Variants in EMP2 observed in about 807,000 individuals in gnomAD.
EMP2 encodes the protein epithelial membrane protein 2.
Under a neutral mutation model 13.7 loss-of-function variants are expected in EMP2, and 19 were observed. That is an observed-to-expected ratio of 1.38 (90% confidence interval 0.97 to 2.03). The LOEUF is 2.03. Ranked by LOEUF, EMP2 falls within the 30% of genes most tolerant of loss-of-function variation. The pLI, the probability that EMP2 is intolerant of heterozygous loss-of-function variation, is 0.00. For synonymous variants in EMP2, 97 were observed against 84.7 expected (o/e 1.15, Z -0.80); for missense variants, 253 against 220.7 (o/e 1.15, Z -0.93).
At chr16:10,534,332 C>T (rs1238974047) in intron 4 of EMP2, among the ~76,000 whole-genome samples, 1 of 152,172 alleles carries the variant, frequency 6.6e-6, no homozygotes, top group African/African-American at 2.4e-5. Context: ...GTGCTTGACG[C>T]AGACGCTGCT....
chr16:10,543,601 C>A lies in EMP2; in HGVS notation c.138G>T (p.Thr46=), dbSNP rs150309316. The A allele has an allele frequency of 6.2e-7, 1 of 1,614,214 alleles. No homozygotes were observed. The highest frequency in any genetic ancestry group is 1.1e-5 in the South Asian group (1 of 91,086). Residue 46 remains threonine, a synonymous_variant, in exon 3 of 5, where the codon ACG becomes ACT. Transcript: ENST00000359543. ...ADVWRICTNN[T]NCTVINDSFQ... The stretch of plus-strand genomic sequence containing the variant: ...AGCTGTCATTGATGACTGTGCAATT[C>A]GTGTTGTTGGTACATATTCTCCAGA...
At chr16:10,575,129 CT>C (rs1392584206) in intron 1 of EMP2, among the ~76,000 whole-genome samples, 1 of 151,710 alleles carries the variant, frequency 6.6e-6, no homozygotes, top group Non-Finnish European at 1.5e-5. Context: ...TTGAAATATC[CT>C]CCCAAGCCCA....
intron 4 of EMP2, among the ~76,000 whole-genome samples, chr16:10,536,782 G>A (rs2050650155): frequency 6.6e-6 from 1 of 152,126 alleles, no homozygotes; most frequent in Non-Finnish European, 1.5e-5. Flanking sequence ...TGCCATGCTT[G>A]GCTAATTTTT....
rs960552631 is a variant in EMP2, at chr16:10,531,334, C to CT, written c.*1570dup. 13 of 151,954 alleles carry CT rather than the reference C, an allele frequency of 8.6e-5. No homozygotes were observed. The highest frequency in any genetic ancestry group is 1.6e-4 in the Non-Finnish European group (11 of 68,670). 9.4% of individuals were successfully genotyped at this position (151,954 alleles called of 1,614,324 possible). ...TCACAGTGTGTAATTAGTTTCTTTT[C>CT]TTTTTTTTCTTTTTTTGAGATGGAG... is the stretch of plus-strand genomic sequence containing the variant. On this transcript the variant is annotated 3_prime_UTR_variant, in exon 5 of 5. Transcript: ENST00000359543.
At chr16:10,554,756 C>T (rs2142192106) in intron 1 of EMP2, among the ~76,000 whole-genome samples, 1 of 152,288 alleles carries the variant, frequency 6.6e-6, no homozygotes, top group East Asian at 1.9e-4. Context: ...GGGAACTAGT[C>T]TTGTCTCGGT....
intron 1 of EMP2, among the ~76,000 whole-genome samples, chr16:10,576,990 G>A (rs760995424): frequency 9.2e-5 from 14 of 152,180 alleles, no homozygotes; most frequent in Non-Finnish European, 1.6e-4. Flanking sequence ...CCATCAGCAC[G>A]GGAGCACGGA....
At chr16:10,541,054 C>G (rs571322005) in intron 3 of EMP2, among the ~76,000 whole-genome samples, 1 of 151,656 alleles carries the variant, frequency 6.6e-6, no homozygotes, top group Non-Finnish European at 1.5e-5. Context: ...CACCACTGCA[C>G]TCCAGCCAGA....
At chr16:10,561,869 C>G (rs2050873579) in intron 1 of EMP2, among the ~76,000 whole-genome samples, 1 of 152,036 alleles carries the variant, frequency 6.6e-6, no homozygotes, top group South Asian at 2.1e-4. Context: ...AAAAATGAAG[C>G]TAGACTTTTA....
At chr16:10,562,378 C>CTCTCTCTCTCTCTCTCTA (rs1312547668) in intron 1 of EMP2, among the ~76,000 whole-genome samples, 2 of 135,384 alleles carry the variant, frequency 1.5e-5, no homozygotes, top group African/African-American at 5.7e-5. Context: ...CTCTCTCTCT[C>CTCTCTCTCTCTCTCTCTA]TCTATCTATC....
intron 4 of EMP2, among the ~76,000 whole-genome samples, chr16:10,537,440 C>T (rs1388219685): frequency 6.6e-6 from 1 of 152,144 alleles, no homozygotes; most frequent in Non-Finnish European, 1.5e-5. Flanking sequence ...CAGCTTAGAA[C>T]AAAGACCCCA....
At chr16:10,572,491 A>T (rs2094570928) in intron 1 of EMP2, among the ~76,000 whole-genome samples, 1 of 151,810 alleles carries the variant, frequency 6.6e-6, no homozygotes, top group Non-Finnish European at 1.5e-5. Context: ...CCCACAGATG[A>T]TCTTCCATCC....
chr16:10,562,228 C>T (rs370547470), intron 1 of EMP2, among the ~76,000 whole-genome samples: 1 of 152,138 alleles, frequency 6.6e-6, no homozygotes. Flanking sequence ...ATCTATTTCT[C>T]CACCTGCTGA....
intron 1 of EMP2, among the ~76,000 whole-genome samples, chr16:10,553,358 A>G (rs1023217060): frequency 6.6e-6 from 1 of 152,190 alleles, no homozygotes; most frequent in African/African-American, 2.4e-5. Flanking sequence ...GCCGTACCAG[A>G]GTAACACTCT....
intron 1 of EMP2, among the ~76,000 whole-genome samples, chr16:10,557,154 C>T (rs2050835283): frequency 6.6e-6 from 1 of 151,940 alleles, no homozygotes; most frequent in Admixed American, 6.6e-5. Context: ...GCCAGGAGTT[C>T]GAGACTAGCC....
At chr16:10,564,165 T>A (rs2050891501) in intron 1 of EMP2, among the ~76,000 whole-genome samples, 1 of 152,130 alleles carries the variant, frequency 6.6e-6, no homozygotes, top group South Asian at 2.1e-4. Flanking sequence ...CATGGAAAGG[T>A]GCAGTCACTT....
At chr16:10,553,650 A>G (rs2050805760) in intron 1 of EMP2, among the ~76,000 whole-genome samples, 1 of 152,182 alleles carries the variant, frequency 6.6e-6, no homozygotes, top group African/African-American at 2.4e-5. Context: ...CTTTTCTAAT[A>G]ATATCCCTCA....
At chr16:10,542,106 G>A (rs752207033) in intron 3 of EMP2, among the ~76,000 whole-genome samples, 10 of 152,214 alleles carry the variant, frequency 6.6e-5, no homozygotes, top group East Asian at 1.9e-4. Flanking sequence ...ATGAATATCC[G>A]ATGGACAACA....
chr16:10,560,852 C>T (rs2050866437), intron 1 of EMP2, among the ~76,000 whole-genome samples: 1 of 152,104 alleles, frequency 6.6e-6, no homozygotes, highest in Admixed American at 6.5e-5. Flanking sequence ...CGGGCTGGGC[C>T]CCAAGATGGA....
intron 1 of EMP2, among the ~76,000 whole-genome samples, chr16:10,548,256 C>G (rs1006329807): frequency 1.3e-5 from 2 of 152,120 alleles, no homozygotes; most frequent in South Asian, 4.1e-4. Flanking sequence ...AGGAGTGGCT[C>G]TGTGTGTGCT....
Sources: gnomAD v4.1 joint callset for allele counts (sites outside exome capture counted in the v4.1 genomes callset) on GRCh38, gnomAD v4.1.1 for gene constraint, MANE v1.5 for transcripts, NCBI Gene and HGNC (gene_info 2026-07-23, HGNC 2026-07-21) for gene names.